The following LANCL1 variants were observed in gnomAD, a reference collection of about 807,000 sequenced individuals.
LANCL1 encodes the protein LanC like glutathione S-transferase 1.
LANCL1 carries 50 observed loss-of-function variants against 50.6 expected under a neutral mutation model. The observed-to-expected ratio is 0.99, with a 90% CI of 0.79 to 1.25. The LOEUF is 1.25. Ranked by LOEUF, LANCL1 falls within the 50% of genes most tolerant of loss-of-function variation. LANCL1 has a pLI of 0.00. For missense variants in LANCL1, 532 were observed against 480.7 expected (o/e 1.11, Z -1.00); for synonymous variants, 188 against 178.6 (o/e 1.05, Z -0.42).
chr2:210,456,664 C>CG (rs1693682972), intron 3 of LANCL1, among the ~76,000 whole-genome samples: 1 of 152,120 alleles, frequency 6.6e-6, no homozygotes, highest in African/African-American at 2.4e-5. Context: ...CATCTCCATC[C>CG]ATATCACGCA....
intron 6 of LANCL1, among the ~76,000 whole-genome samples, chr2:210,440,139 C>T (rs1035413784): frequency 6.6e-6 from 1 of 152,198 alleles, no homozygotes; most frequent in Non-Finnish European, 1.5e-5. Flanking sequence ...TAGAAGTCTC[C>T]TCAGCTTTGC....
rs1255102423 is a variant in LANCL1 at position 210,432,681 on chromosome 2, G to T, written c.*1806C>A. On this transcript the variant is annotated 3_prime_UTR_variant, in exon 10 of 10. Transcript: ENST00000450366. ...AGTAAGACATTTAACTAAACCAAAT[G>T]AGCTTTATTCTTTCAAGCTGAACAC... 1 of 152,148 alleles carries T rather than the reference G, an allele frequency of 6.6e-6. No individual in the cohort carries two copies. The highest frequency in any genetic ancestry group is 1.5e-5 in the Non-Finnish European group (1 of 68,032). The allele number at this position is 152,148 out of a possible 1,614,324, so 9.4% of individuals were successfully genotyped here. A position where few individuals can be genotyped will look rare whatever the true frequency, so the allele number is the denominator to read the frequency against.
Position 210,437,751 on chromosome 2 carries a change from A to G in LANCL1, c.812T>C (p.Leu271Pro), listed in dbSNP as rs1017097640. The G allele has an allele frequency of 6.2e-7, 1 of 1,612,598 alleles. No homozygotes were observed. ...GGCGCCATGGCACCAATGGACAAGC[A>G]GATCTCGATTATCACCTATACATGG... ...YPPCIGDNRD[L>P]LVHWCHGAPG... is the part of the protein sequence containing the mutation. The change falls in exon 7 of 10, where the codon CTG becomes CCG. Residue 271 changes from leucine to proline, a missense_variant. Coordinates refer to ENST00000450366, the MANE Select transcript of LANCL1 (RefSeq NM_006055.3).
chr2:210,458,221 T>C (rs6756422), intron 3 of LANCL1, among the ~76,000 whole-genome samples: 96,274 of 151,926 alleles, frequency 0.63, 31,406 homozygotes, highest in East Asian at 0.82. Context: ...CCTACTTACA[T>C]AAGAGAAAAA....
At chr2:210,436,161 G>C in intron 8 of LANCL1, 55 bp downstream of exon 8, 1 of 1,521,358 alleles carries the variant, frequency 6.6e-7, no homozygotes, top group African/African-American at 1.4e-5. Flanking sequence ...AAAGTGCTGA[G>C]ATTTACAGGT....
intron 2 of LANCL1, 97 bp from the exon 3 acceptor site, chr2:210,472,173 T>C: frequency 1.3e-6 from 1 of 791,176 alleles, no homozygotes; most frequent in Non-Finnish European, 2.1e-6. Context: ...CTTTTCCACT[T>C]AGGACATATT....
At chr2:210,469,911 A>C (rs2105926222) in intron 3 of LANCL1, among the ~76,000 whole-genome samples, 1 of 152,170 alleles carries the variant, frequency 6.6e-6, no homozygotes, top group Middle Eastern at 3.4e-3. Context: ...GTACATGTGA[A>C]TGGCCAATTT....
rs551258072 is a variant in LANCL1, at chr2:210,461,308, G to A, written c.200-5994C>T. Among the ~76,000 whole-genome samples, 4 of 152,100 alleles carry A rather than the reference G, an allele frequency of 2.6e-5. No homozygotes were observed. In the East Asian group the frequency reaches 7.8e-4, roughly 30 times the overall value. The stretch of plus-strand genomic sequence containing the variant: ...TCTACTTGTCCTAACACCTCTGGCT[G>A]GGTGGGATAGGTGCATCTAATGAAG... On this transcript the variant is annotated intron_variant, in intron 3 of 9. Coordinates refer to ENST00000450366, the MANE Select transcript of LANCL1 (RefSeq NM_006055.3).
upstream of LANCL1, chr2:210,477,496 C>T (rs989751245): frequency 7.9e-7 from 1 of 1,268,296 alleles, no homozygotes; most frequent in African/African-American, 1.5e-5. Context: ...TTTTGGAGTT[C>T]AGTTAAAAAG....
intron 8 of LANCL1, among the ~76,000 whole-genome samples, chr2:210,435,995 G>A (rs988778111): frequency 4.9e-5 from 7 of 142,584 alleles, no homozygotes; most frequent in East Asian, 2.1e-4. Context: ...TCTGCCTCCC[G>A]GGTTCAAGTG....
At chr2:210,457,326 T>C (rs185658415) in intron 3 of LANCL1, among the ~76,000 whole-genome samples, 8 of 152,174 alleles carry the variant, frequency 5.3e-5, no homozygotes, top group Non-Finnish European at 1.2e-4. Context: ...TAGAAAATAA[T>C]AGAATGTGTC....
Position 210,447,447 on chromosome 2 carries a change from C to G in LANCL1, c.408-6004G>C, listed in dbSNP as rs188334674. On this transcript the variant is annotated intron_variant, in intron 4 of 9. Coordinates refer to ENST00000450366, the MANE Select transcript of LANCL1 (RefSeq NM_006055.3). ...TGACACTATGAAGAAACTGCATCAA[C>G]TAGTGGGCAAAATAACCAGCTACAT... 2.0e-3 allele frequency among the ~76,000 whole-genome samples: 310 copies of G among 152,264 alleles called. 5 individuals carry two copies. The highest frequency in any genetic ancestry group is 6.8e-4 in the Non-Finnish European group (46 of 68,020).
intron 3 of LANCL1, among the ~76,000 whole-genome samples, chr2:210,466,389 T>C (rs1372141547): frequency 6.6e-6 from 1 of 152,172 alleles, no homozygotes. Context: ...AGGCTAATCC[T>C]CTACACAGAC....
chr2:210,450,434 G>A (rs1050332292), intron 4 of LANCL1, among the ~76,000 whole-genome samples: 2 of 152,260 alleles, frequency 1.3e-5, no homozygotes, highest in Admixed American at 1.3e-4. Flanking sequence ...ATAGGCATGT[G>A]TAAAGACTTC....
In LANCL1 at chr2:210,435,375, T is replaced by A. The variant is rs1574409967; in HGVS notation, c.1123+12A>T. 6.3e-7 allele frequency: 1 copy of A among 1,594,234 alleles called. No homozygotes were observed. Among genetic ancestry groups the A allele is most frequent in the South Asian group, 1.1e-5 (1 of 90,656 alleles). On this transcript the variant is annotated intron_variant, in intron 9 of 9. Transcript: ENST00000450366. The stretch of plus-strand genomic sequence containing the variant: ...GATATTATAGGGCAAATAAATAAAG[T>A]GTACAAAATACCTTCAAAGAGAGAG...
chr2:210,468,101 C>T (rs999639954), intron 3 of LANCL1: 2 of 151,866 alleles, frequency 1.3e-5, no homozygotes, highest in Non-Finnish European at 2.9e-5. Flanking sequence ...ATTTAAGTTA[C>T]ACTTAGCTCT....
chr2:210,468,603 T>C (rs1277194143), intron 3 of LANCL1: 1 of 152,208 alleles, frequency 6.6e-6, no homozygotes, highest in Admixed American at 6.5e-5. Context: ...AACTGAAATG[T>C]TGAGTGGGAC....
At chr2:210,457,502 G>A (rs572158425) in intron 3 of LANCL1, among the ~76,000 whole-genome samples, 3 of 152,254 alleles carry the variant, frequency 2.0e-5, no homozygotes, top group African/African-American at 7.2e-5. Context: ...AACTTCACGG[G>A]CTTTGCAGGG....
At chr2:210,453,660 C>T (rs1693575564) in intron 4 of LANCL1, among the ~76,000 whole-genome samples, 2 of 152,118 alleles carry the variant, frequency 1.3e-5, no homozygotes, top group Non-Finnish European at 2.9e-5. Flanking sequence ...ACAAGTGATT[C>T]ACTGAATGAG....
Sources: allele counts gnomAD v4.1 joint callset (sites outside exome capture counted in the v4.1 genomes callset), GRCh38; gene constraint gnomAD v4.1.1; transcripts MANE v1.5; gene names NCBI Gene and HGNC (gene_info 2026-07-23, HGNC 2026-07-21).